Variants in SYN1 observed in about 807,000 individuals in gnomAD.
SYN1 encodes synapsin-1.
In SYN1, 8 loss-of-function variants were observed where a neutral mutation model predicts 44.6. The observed-to-expected ratio is 0.18, with a 90% CI of 0.11 to 0.32. The LOEUF (loss-of-function observed/expected upper bound fraction) is 0.32, where lower values mean the gene tolerates loss of function less well. Among genes scored for constraint, SYN1 ranks in the 10% least tolerant of loss-of-function variants. The probability of loss-of-function intolerance (pLI) is 1.00; values close to 1 mark genes in which losing one functional copy is unlikely to be tolerated. For missense variants in SYN1, 451 were observed against 639.4 expected (o/e 0.71, Z 3.18); for synonymous variants, 275 against 280.1 (o/e 0.98, Z 0.18).
Position 47,572,675 on chromosome X carries a change from G to T in SYN1, c.*189C>A. ...AAAAGGACTTGGGGATTCCACATGT[G>T]AGAACCGGATTTAGGGCCAGGAGGA... is the stretch of plus-strand genomic sequence containing the variant. On this transcript the variant is annotated 3_prime_UTR_variant, in exon 13 of 13. Transcript: ENST00000295987. 1 of 549,819 alleles carries T rather than the reference G, an allele frequency of 1.8e-6. No homozygotes were observed. The highest frequency in any genetic ancestry group is 2.9e-6 in the Non-Finnish European group (1 of 348,334). The allele number at this position is 549,819 out of a possible 1,213,427, so 45.3% of individuals were successfully genotyped here. A position where few individuals can be genotyped will look rare whatever the true frequency, so the allele number is the denominator to read the frequency against.
rs1036372385 is a variant in SYN1, at chrX:47,588,797, A to G, written c.775-11296T>C. 1.8e-4 allele frequency among the ~76,000 whole-genome samples: 20 copies of G among 111,786 alleles called. No homozygotes were observed. In the Admixed American group the frequency reaches 1.8e-3, roughly 10 times the overall value. ...CTGTGACAGCTGAGAGGAAGCTTGT[A>G]GGGGTCACAGCCATGTGGTATTCAG... is the stretch of plus-strand genomic sequence containing the variant. On this transcript the variant is annotated intron_variant, in intron 5 of 12. Transcript: ENST00000295987.
Position 47,575,221 on chromosome X carries a change from C to T in SYN1, c.1212G>A (p.Gln404=). 3 of 1,207,681 alleles carry T rather than the reference C, an allele frequency of 2.5e-6. No individual in the cohort carries two copies. The highest frequency in any genetic ancestry group is 3.4e-6 in the Non-Finnish European group (3 of 893,414). The change falls in exon 10 of 13, where the codon CAG becomes CAA. Residue 404 remains glutamine (Q), a synonymous_variant. Coordinates refer to ENST00000295987, the MANE Select transcript of SYN1 (RefSeq NM_006950.3). The part of the protein sequence containing the change: ...LIGDHQDEDK[Q]LIVELVVNKM... ...TGTTGACCACGAGCTCTACGATGAG[C>T]TGTTTGTCTTCATCCTGGTGGTCAC...
intron 10 of SYN1, 138 bp from the exon 11 acceptor site, chrX:47,574,913 G>T (rs2057772660): frequency 1.3e-6 from 1 of 773,216 alleles, no homozygotes; most frequent in Non-Finnish European, 1.9e-6. Context: ...GGGTTGTGGG[G>T]TGGGGGACCT....
At chrX:47,610,162 C>T (rs2057912728) in intron 1 of SYN1, among the ~76,000 whole-genome samples, 1 of 111,420 alleles carries the variant, frequency 9.0e-6, no homozygotes, top group Non-Finnish European at 1.9e-5. Flanking sequence ...AAGGGAGGGC[C>T]AGGCTCAGAA....
At chrX:47,601,723 C>T (rs1286147943) in intron 5 of SYN1, among the ~76,000 whole-genome samples, 1 of 112,344 alleles carries the variant, frequency 8.9e-6, no homozygotes, top group African/African-American at 3.2e-5. Context: ...CATAAGAAAA[C>T]TACAGAGCAA....
chrX:47,575,364 GC>G (rs2057774497), intron 9 of SYN1, 90 bp from the exon 10 acceptor site: 1 of 1,054,878 alleles, frequency 9.5e-7, no homozygotes, highest in African/African-American at 1.8e-5. Context: ...CAAGGGCATG[GC>G]CGCCGCTGAG....
At chrX:47,607,754 G>A (rs939241392) in intron 1 of SYN1, among the ~76,000 whole-genome samples, 6 of 100,634 alleles carry the variant, frequency 6.0e-5, no homozygotes, top group Admixed American at 3.3e-4. Flanking sequence ...AACAAAAGCC[G>A]AGGGCTGTGG....
intron 12 of SYN1, 40 bp from the exon 13 acceptor site, chrX:47,573,039 A>G: frequency 1.7e-6 from 2 of 1,203,361 alleles, no homozygotes; most frequent in Non-Finnish European, 2.2e-6. Flanking sequence ...GGAAGGGGGA[A>G]GAGGAAGGGG....
At chrX:47,585,563 T>C in intron 5 of SYN1, 2 of 1,200,356 alleles carry the variant, frequency 1.7e-6, no homozygotes, top group Non-Finnish European at 1.1e-6. Flanking sequence ...GGATGGACTC[T>C]TGCACATCAC....
chrX:47,607,212 A>G lies in SYN1; in HGVS notation c.378-14T>C, dbSNP rs1442400689. ...AAGTATTTTGCCCTGGAGAGGAAAA[A>G]CAACACATCTGTCAATGATGAAATC... On this transcript the variant is annotated splice_polypyrimidine_tract_variant and intron_variant, in intron 1 of 12. Transcript: ENST00000295987. The G allele has an allele frequency of 8.3e-7, 1 of 1,205,608 alleles. No individual in the cohort carries two copies. The highest frequency in any genetic ancestry group is 2.2e-5 in the Admixed American group (1 of 46,042).
chrX:47,596,224 C>T (rs959832173), intron 5 of SYN1, among the ~76,000 whole-genome samples: 8 of 112,429 alleles, frequency 7.1e-5, no homozygotes, highest in African/African-American at 2.3e-4. Flanking sequence ...AAACAGCTTT[C>T]TCTGGGGGTG....
At chrX:47,619,320 G>A (rs746467098) in intron 1 of SYN1, 32 bp downstream of exon 1, 9 of 1,199,326 alleles carry the variant, frequency 7.5e-6, no homozygotes, top group Non-Finnish European at 6.7e-6. Flanking sequence ...GGGGACCCAG[G>A]CCCACGGGAG....
chrX:47,606,407 A>T (rs934785814), intron 3 of SYN1, among the ~76,000 whole-genome samples: 1 of 109,067 alleles, frequency 9.2e-6, no homozygotes, highest in Non-Finnish European at 1.9e-5. Context: ...CATGCAGCAG[A>T]TGTCTAGCAA....
intron 5 of SYN1, chrX:47,585,338 C>T: frequency 8.3e-7 from 1 of 1,211,579 alleles, no homozygotes; most frequent in Non-Finnish European, 1.1e-6. Context: ...GCTGGTGAGG[C>T]ACCGTCCCCG....
At chrX:47,608,742 G>T (rs2057907642) in intron 1 of SYN1, among the ~76,000 whole-genome samples, 1 of 109,931 alleles carries the variant, frequency 9.1e-6, no homozygotes. Context: ...TCCTCCCCCA[G>T]GCTCAAGATT....
chrX:47,619,214 G>T, intron 1 of SYN1, 138 bp downstream of exon 1: 1 of 981,097 alleles, frequency 1.0e-6, no homozygotes, highest in Non-Finnish European at 1.4e-6. Flanking sequence ...GAAGCATCCA[G>T]CTTAATAATT....
At chrX:47,608,243 GAA>G (rs1202729863) in intron 1 of SYN1, among the ~76,000 whole-genome samples, 2 of 4,677 alleles carry the variant, frequency 4.3e-4, no homozygotes, top group African/African-American at 6.7e-4. Context: ...AGGAAGGAAG[GAA>G]GGAAGGAAGG....
At chrX:47,584,453 A>T (rs1054587779) in intron 5 of SYN1, among the ~76,000 whole-genome samples, 2 of 111,921 alleles carry the variant, frequency 1.8e-5, no homozygotes, top group African/African-American at 6.5e-5. Context: ...GCCTAGGAGG[A>T]GGTTCAGGAG....
intron 5 of SYN1, among the ~76,000 whole-genome samples, chrX:47,587,114 C>T (rs760739063): frequency 8.8e-6 from 1 of 112,996 alleles, no homozygotes; most frequent in African/African-American, 3.2e-5. Flanking sequence ...TGACAAATCA[C>T]TGCCTTACTG....
Sources: allele counts gnomAD v4.1 joint callset (sites outside exome capture counted in the v4.1 genomes callset), GRCh38; gene constraint gnomAD v4.1.1; transcripts MANE v1.5; gene names NCBI Gene and HGNC (gene_info 2026-07-23, HGNC 2026-07-21).